Variants in CDH18 observed in about 807,000 individuals in gnomAD.
The protein encoded by CDH18 is cadherin-18.
Under a neutral mutation model 67.9 loss-of-function variants are expected in CDH18, and 31 were observed. The ratio of observed to expected loss-of-function variants is 0.46; its 90% CI spans 0.34 to 0.62. The LOEUF is 0.62. Among genes scored for constraint, CDH18 ranks in the 20% least tolerant of loss-of-function variants. The pLI is 0.01. For synonymous variants in CDH18, 362 were observed against 347.2 expected (o/e 1.04, Z -0.48); for missense variants, 890 against 975.5 (o/e 0.91, Z 1.17).
chr5:20,372,783 TG>T (rs1743110211), intron 1 of CDH18, among the ~76,000 whole-genome samples: 1 of 152,196 alleles, frequency 6.6e-6, no homozygotes, highest in African/African-American at 2.4e-5. Context: ...TGATTTTTAT[TG>T]ATTTTTAGTG....
chr5:19,716,539 T>C (rs1231345641), intron 5 of CDH18, among the ~76,000 whole-genome samples: 1 of 152,002 alleles, frequency 6.6e-6, no homozygotes, highest in African/African-American at 2.4e-5. Flanking sequence ...CTGATAGTCA[T>C]TATTAGGTGT....
chr5:20,544,925 A>G lies in CDH18; in HGVS notation c.-580+30537T>C, dbSNP rs1013752316. 1.1e-4 allele frequency among the ~76,000 whole-genome samples: 17 copies of G among 152,306 alleles called. 1 individual carries two copies. In the South Asian group the frequency reaches 2.5e-3, roughly 22 times the overall value. ...GAGTCAAGGCAAGTTCCTTCTGCAC[A>G]TGAGCCTGTTAAGTAAAAAGCAAGT... is the stretch of plus-strand genomic sequence containing the variant. On this transcript the variant is annotated intron_variant, in intron 1 of 14. Coordinates refer to the CDH18 transcript ENST00000507958.
chr5:20,046,006 G>A (rs1740861735), intron 2 of CDH18, among the ~76,000 whole-genome samples: 1 of 152,004 alleles, frequency 6.6e-6, no homozygotes, highest in Non-Finnish European at 1.5e-5. Flanking sequence ...AGTATGATTT[G>A]ATTTAGATTT....
At chr5:20,333,314 T>C (rs572688640) in intron 1 of CDH18, among the ~76,000 whole-genome samples, 1 of 151,854 alleles carries the variant, frequency 6.6e-6, no homozygotes, top group African/African-American at 2.4e-5. Context: ...TGAGACCATC[T>C]TGGCCAACAT....
At chr5:20,219,904 C>T (rs1741088376) in intron 2 of CDH18, among the ~76,000 whole-genome samples, 2 of 151,706 alleles carry the variant, frequency 1.3e-5, no homozygotes, top group Non-Finnish European at 2.9e-5. Flanking sequence ...AAATGTCTAA[C>T]AACAAACTTA....
At chr5:19,927,107 G>T (rs146470645) in intron 2 of CDH18, among the ~76,000 whole-genome samples, 1,673 of 152,176 alleles carry the variant, frequency 0.011, 17 homozygotes, top group Middle Eastern at 0.054. Flanking sequence ...GATTATATTT[G>T]TAATAGTAAT....
chr5:19,753,156 G>T (rs1381246628), intron 3 of CDH18, among the ~76,000 whole-genome samples: 2 of 152,030 alleles, frequency 1.3e-5, no homozygotes, highest in African/African-American at 2.4e-5. Context: ...TAGCTTACCA[G>T]CAATGGATGC....
intron 3 of CDH18, among the ~76,000 whole-genome samples, chr5:19,750,951 TA>T (rs1770761509): frequency 6.6e-6 from 1 of 151,964 alleles, no homozygotes; most frequent in South Asian, 2.1e-4. Context: ...TCTCATCACA[TA>T]ACAAAGTAGG....
rs10078530 is a variant in CDH18 at position 20,418,022 on chromosome 5, A to G, written c.-580+157440T>C. Reference sequence around the variant, plus strand: ...ACACTACAGAAATGAGGAACGGGGAAGTTGAACATTTTCCACAGATAAAGA... The same window carrying G: ...ACACTACAGAAATGAGGAACGGGGAGGTTGAACATTTTCCACAGATAAAGA... On this transcript the variant is annotated intron_variant, in intron 1 of 14. Transcript: ENST00000507958. Among the ~76,000 whole-genome samples the G allele has an allele frequency of 5.1e-3, 771 of 152,228 alleles. 8 individuals carry two copies. Among genetic ancestry groups the G allele is most frequent in the African/African-American group, 0.017 (725 of 41,558 alleles).
intron 2 of CDH18, among the ~76,000 whole-genome samples, chr5:19,960,678 TG>T (rs1156610061): frequency 7.4e-6 from 1 of 135,738 alleles, no homozygotes; most frequent in Non-Finnish European, 1.5e-5. Context: ...TGTATATATA[TG>T]TATACATATA....
At chr5:20,122,113 G>A (rs923415070) in intron 2 of CDH18, among the ~76,000 whole-genome samples, 4 of 152,092 alleles carry the variant, frequency 2.6e-5, no homozygotes, top group Admixed American at 2.6e-4. Flanking sequence ...ATAATTTCTT[G>A]CATTCTTCTC....
chr5:20,061,460 G>T lies in CDH18; in HGVS notation c.-517-69446C>A, dbSNP rs187870029. On this transcript the variant is annotated intron_variant, in intron 2 of 14. Transcript: ENST00000507958. ...CCTTCCATACACACGTCGTGGCTGT[G>T]ACTGCTCATTTATTTTAATTTTAGA... Among the ~76,000 whole-genome samples, 3 of 152,174 alleles carry T rather than the reference G, an allele frequency of 2.0e-5. No individual in the cohort carries two copies. In the East Asian group the frequency reaches 5.8e-4, roughly 29 times the overall value.
At chr5:19,619,125 A>G (rs1054685811) in intron 5 of CDH18, among the ~76,000 whole-genome samples, 2 of 152,226 alleles carry the variant, frequency 1.3e-5, no homozygotes, top group African/African-American at 4.8e-5. Flanking sequence ...TATAGAAAAC[A>G]AAAATAATCA....
intron 2 of CDH18, among the ~76,000 whole-genome samples, chr5:20,134,269 C>T (rs1201034125): frequency 3.3e-5 from 5 of 152,128 alleles, no homozygotes; most frequent in Non-Finnish European, 7.4e-5. Context: ...AGTCACCATG[C>T]CCAGCCTACA....
intron 2 of CDH18, among the ~76,000 whole-genome samples, chr5:19,894,397 A>C (rs1789083933): frequency 6.6e-6 from 1 of 152,086 alleles, no homozygotes; most frequent in Non-Finnish European, 1.5e-5. Context: ...ATTCTAATAC[A>C]TACTTAATAT....
chr5:20,177,341 G>A (rs1424151343), intron 2 of CDH18, among the ~76,000 whole-genome samples: 3 of 152,150 alleles, frequency 2.0e-5, no homozygotes, highest in Non-Finnish European at 4.4e-5. Flanking sequence ...CATCCAGTAA[G>A]AGACTGCTGG....
At chr5:20,461,742 C>G (rs1274720274) in intron 1 of CDH18, among the ~76,000 whole-genome samples, 7 of 152,114 alleles carry the variant, frequency 4.6e-5, no homozygotes, top group Non-Finnish European at 1.0e-4. Flanking sequence ...TACATTTATG[C>G]TCAGTCATCT....
intron 8 of CDH18, among the ~76,000 whole-genome samples, chr5:19,544,949 C>G (rs1278689348): frequency 6.6e-6 from 1 of 152,024 alleles, no homozygotes; most frequent in South Asian, 2.1e-4. Flanking sequence ...GCTAACCCAC[C>G]GACACATGCA....
intron 2 of CDH18, among the ~76,000 whole-genome samples, chr5:20,212,219 G>T (rs1740408502): frequency 6.6e-6 from 1 of 152,046 alleles, no homozygotes; most frequent in South Asian, 2.1e-4. Context: ...AGCAAGAAGA[G>T]AAGTTTAGAG....
Sources: gnomAD v4.1 joint callset for allele counts (sites outside exome capture counted in the v4.1 genomes callset) on GRCh38, gnomAD v4.1.1 for gene constraint, MANE v1.5 for transcripts, NCBI Gene and HGNC (gene_info 2026-07-23, HGNC 2026-07-21) for gene names.